RTKN: variants seen among roughly 807,000 people sequenced by gnomAD.
RTKN encodes rhotekin.
Under a neutral mutation model 63.5 loss-of-function variants are expected in RTKN, and 49 were observed. That is an observed-to-expected ratio of 0.77 (90% CI 0.61 to 0.98). The LOEUF (loss-of-function observed/expected upper bound fraction) is 0.98, where lower values mean the gene tolerates loss of function less well. Among genes scored for constraint, RTKN ranks in the 50% least tolerant of loss-of-function variants. RTKN has a pLI of 0.00. For synonymous variants in RTKN, 295 were observed against 290.4 expected, an observed-to-expected ratio of 1.02 and a Z score of -0.16; for missense variants, 685 against 740.8, an observed-to-expected ratio of 0.92 and a Z score of 0.87.
intron 1 of RTKN, among the ~76,000 whole-genome samples, chr2:74,437,138 G>A (rs988427879): frequency 6.6e-6 from 1 of 152,052 alleles, no homozygotes; most frequent in Non-Finnish European, 1.5e-5. Flanking sequence ...CTGGTTTAGG[G>A]ACTTGACAAG....
At position 74,430,009 on chromosome 2, in the gene RTKN, G is replaced by T. The variant is rs748739513; in HGVS notation, c.574C>A (p.Arg192=). 5.6e-6 allele frequency: 9 copies of T among 1,614,200 alleles called. No individual in the cohort carries two copies. Among genetic ancestry groups the T allele is most frequent in the Non-Finnish European group, 6.8e-6 (8 of 1,180,024 alleles). The stretch of plus-strand genomic sequence containing the variant: ...ACACAGGCCCCATACAGCTCTAACC[G>T]CAGTTCAAAGTCTGGCCCCGCCTCA... ...FAEAGPDFEL[R]LELYGACVEE... Residue 192 remains arginine (R), a synonymous_variant, in exon 6 of 12, where the codon CGG becomes AGG. Transcript: ENST00000272430.
intron 1 of RTKN, chr2:74,439,851 G>A: frequency 7.3e-7 from 1 of 1,365,934 alleles, no homozygotes; most frequent in Non-Finnish European, 9.5e-7. Context: ...GCCCTGCCGG[G>A]AGCCAGGCAG....
In RTKN at chr2:74,436,484, G is replaced by C. The variant is rs1407017729; in HGVS notation, c.112-3818C>G. ...CCGAGACTCCATCGCGGCGGGACCG[G>C]ACCTCCAGGAGTGCGCCCGCGCCGC... On this transcript the variant is annotated intron_variant, in intron 1 of 11. Transcript: ENST00000272430. The surrounding 1 kb of genome is among the most constrained non-coding windows in gnomAD (Gnocchi z 4.3). Among the ~76,000 whole-genome samples the C allele has an allele frequency of 6.6e-6, 1 of 152,030 alleles. No homozygotes were observed. Among genetic ancestry groups the C allele is most frequent in the East Asian group, 1.9e-4 (1 of 5,150 alleles).
At position 74,436,059 on chromosome 2, in the gene RTKN, G is replaced by A. The variant is rs1671040005; in HGVS notation, c.112-3393C>T. Among the ~76,000 whole-genome samples the A allele has an allele frequency of 6.6e-6, 1 of 151,954 alleles. No homozygotes were observed. On this transcript the variant is annotated intron_variant, in intron 1 of 11. Transcript: ENST00000272430. The surrounding 1 kb of genome is among the most constrained non-coding windows in gnomAD (Gnocchi z 4.3). ...TCTGCACCAGGGTTCTGCGCTGCCC[G>A]ACAACCCCCACCCCAGTCTGCACCC...
chr2:74,429,969 G>A lies in RTKN; in HGVS notation c.614C>T (p.Ala205Val). Residue 205 changes from alanine (A) to valine (V), a missense_variant, in exon 6 of 12, where the codon GCC becomes GTC. Ala to Val is a moderately conservative substitution (Grantham distance 64). Transcript: ENST00000272430. ...LYGACVEEEGALTGGPKRLAT... is the reference protein window; with the variant it reads ...LYGACVEEEGVLTGGPKRLAT... Reference sequence around the variant, plus strand: ...AAGCCTCTTGGGGCCGCCAGTCAGGGCCCCCTCTTCTTCCACACAGGCCCC... The same window carrying A: ...AAGCCTCTTGGGGCCGCCAGTCAGGACCCCCTCTTCTTCCACACAGGCCCC... 6.2e-7 allele frequency: 1 copy of A among 1,614,232 alleles called. No individual in the cohort carries two copies. Among genetic ancestry groups the A allele is most frequent in the South Asian group, 1.1e-5 (1 of 91,080 alleles).
Position 74,441,898 on chromosome 2 carries a change from C to G in RTKN, c.-82G>C. On this transcript the variant is annotated 5_prime_UTR_variant, in exon 1 of 12. Coordinates refer to ENST00000272430, the MANE Select transcript of RTKN (RefSeq NM_001015055.2). ...CCTCCTCTCCTCGGCTTCTGTCTCT[C>G]GACGCTCGTCCGCCAGTCCGGCCGG... is the stretch of plus-strand genomic sequence containing the variant. The G allele has an allele frequency of 1.2e-6, 1 of 808,630 alleles. No individual in the cohort carries two copies. Among genetic ancestry groups the G allele is most frequent in the Non-Finnish European group, 2.0e-6 (1 of 499,810 alleles). 50.1% of individuals were successfully genotyped at this position (808,630 alleles called of 1,614,324 possible). A position where few individuals can be genotyped will look rare whatever the true frequency, so the allele number is the denominator to read the frequency against.
intron 1 of RTKN, among the ~76,000 whole-genome samples, chr2:74,434,181 C>A (rs1360619085): frequency 6.6e-6 from 1 of 151,802 alleles, no homozygotes; most frequent in African/African-American, 2.4e-5. Flanking sequence ...CAGCTCACTG[C>A]AACTTCCACC....
In RTKN at chr2:74,429,915, C is replaced by T. The variant is rs745422878; in HGVS notation, c.668G>A (p.Arg223His). The T allele has an allele frequency of 3.7e-6, 6 of 1,614,072 alleles. No homozygotes were observed. Among genetic ancestry groups the T allele is most frequent in the East Asian group, 4.5e-5 (2 of 44,892 alleles). Reference sequence around the variant, plus strand: ...TGCCCGGACACGCCTCCCTGAGGAGCGGCCCAGGGAGCTGCTGAGTTTGGT... The same window carrying T: ...TGCCCGGACACGCCTCCCTGAGGAGTGGCCCAGGGAGCTGCTGAGTTTGGT... ...LATKLSSSLG[R>H]SSGRRVRASL... The change falls in exon 6 of 12, where the codon CGC becomes CAC. Residue 223 changes from arginine (R) to histidine (H), a missense_variant. Arg to His is a conservative substitution (Grantham distance 29, BLOSUM62 0). Transcript: ENST00000272430.
intron 1 of RTKN, among the ~76,000 whole-genome samples, chr2:74,437,411 GA>G (rs1404768119): frequency 6.6e-6 from 1 of 152,124 alleles, no homozygotes; most frequent in Non-Finnish European, 1.5e-5. Flanking sequence ...ACTTGGTTGA[GA>G]AAGAACACAG....
At chr2:74,434,040 T>C (rs953488117) in intron 1 of RTKN, among the ~76,000 whole-genome samples, 7 of 152,150 alleles carry the variant, frequency 4.6e-5, no homozygotes, top group Non-Finnish European at 1.0e-4. Context: ...GATATAGATA[T>C]GCATGTTTAT....
Position 74,429,909 on chromosome 2 carries a change from G to A in RTKN, c.674C>T (p.Ser225Leu). The change falls in exon 6 of 12, where the codon TCA becomes TTA. Residue 225 changes from serine (S) to leucine (L), a missense_variant. Physicochemically the swap from Ser to Leu is moderately radical, Grantham distance 145. Transcript: ENST00000272430. ...TKLSSSLGRS[S>L]GRRVRASLDS... ...CAGCGATGCCCGGACACGCCTCCCT[G>A]AGGAGCGGCCCAGGGAGCTGCTGAG... 6.2e-7 allele frequency: 1 copy of A among 1,614,224 alleles called. No homozygotes were observed. Among genetic ancestry groups the A allele is most frequent in the South Asian group, 1.1e-5 (1 of 91,086 alleles).
intron 1 of RTKN, chr2:74,439,484 G>C: frequency 1.3e-6 from 2 of 1,556,416 alleles, no homozygotes; most frequent in East Asian, 2.3e-5. Context: ...AGCAGGAATG[G>C]GCAGGGCAGA....
At chr2:74,441,144 G>A (rs1325728081) in intron 1 of RTKN, among the ~76,000 whole-genome samples, 1 of 152,260 alleles carries the variant, frequency 6.6e-6, no homozygotes, top group African/African-American at 2.4e-5. Context: ...CCCAGAAAAG[G>A]AGGCGGAAAT....
At chr2:74,432,700 T>C in intron 1 of RTKN, 34 bp from the exon 2 acceptor site, 2 of 1,600,970 alleles carry the variant, frequency 1.2e-6, no homozygotes, top group Non-Finnish European at 1.7e-6. Flanking sequence ...GAGAAGGAAA[T>C]GTCAGTCAGT....
intron 1 of RTKN, among the ~76,000 whole-genome samples, chr2:74,435,425 A>G (rs1057482228): frequency 6.6e-6 from 1 of 152,212 alleles, no homozygotes; most frequent in South Asian, 2.1e-4. Context: ...TATTTTAATG[A>G]CGCTATACTT....
intron 9 of RTKN, chr2:74,427,814 A>G (rs1041928525): frequency 4.9e-5 from 27 of 548,682 alleles, no homozygotes; most frequent in Admixed American, 6.6e-5. Flanking sequence ...ACAGGGAAAA[A>G]GGGATTGAGC....
rs901297669 is a variant in RTKN, at chr2:74,436,041, C to A, written c.112-3375G>T. 3.3e-5 allele frequency among the ~76,000 whole-genome samples: 5 copies of A among 152,044 alleles called. No individual in the cohort carries two copies. The highest frequency in any genetic ancestry group is 1.5e-5 in the Non-Finnish European group (1 of 68,032). On this transcript the variant is annotated intron_variant, in intron 1 of 11. Transcript: ENST00000272430. The surrounding 1 kb of genome is among the most constrained non-coding windows in gnomAD (Gnocchi z 4.3). ...CCTCCCAGTCTAGTTTTGTCTGCACCAGGGTTCTGCGCTGCCCGACAACCC... is the reference window on the plus strand; with the variant it reads ...CCTCCCAGTCTAGTTTTGTCTGCACAAGGGTTCTGCGCTGCCCGACAACCC...
Position 74,426,375 on chromosome 2 carries a change from G to C in RTKN, c.1560C>G (p.Ser520=). The change falls in exon 12 of 12, where the codon TCC becomes TCG. Residue 520 remains serine (S), a synonymous_variant. Transcript: ENST00000272430. The stretch of plus-strand genomic sequence containing the variant: ...AGTGGTCTGGGGGGACAGCATCCAG[G>C]GAAAAGGTTCGGGGTCTCCCCCAGG... The part of the protein sequence containing the change: ...PLPWGRPRTF[S]LDAVPPDHSP... 2.5e-6 allele frequency: 4 copies of C among 1,611,810 alleles called. No homozygotes were observed. Among genetic ancestry groups the C allele is most frequent in the Non-Finnish European group, 3.4e-6 (4 of 1,178,834 alleles).
intron 1 of RTKN, among the ~76,000 whole-genome samples, chr2:74,432,909 C>A (rs781542097): frequency 2.6e-5 from 4 of 152,002 alleles, no homozygotes; most frequent in African/African-American, 4.8e-5. Context: ...CCTAGGAGAT[C>A]AAGGCCAGCC....
Sources: gnomAD v4.1 joint callset for allele counts (sites outside exome capture counted in the v4.1 genomes callset) on GRCh38, gnomAD v4.1.1 for gene constraint, Gnocchi (gnomAD v3.1) non-coding constraint, MANE v1.5 for transcripts, NCBI Gene and HGNC (gene_info 2026-07-23, HGNC 2026-07-21) for gene names.